Variants in FHOD3 observed in about 807,000 individuals in gnomAD.
The protein encoded by FHOD3 is FH1/FH2 domain-containing protein 3.
Under a neutral mutation model 173.0 loss-of-function variants are expected in FHOD3, and 90 were observed. That is an observed-to-expected ratio of 0.52 (90% CI 0.44 to 0.62). The LOEUF (loss-of-function observed/expected upper bound fraction) is 0.62, where lower values mean the gene tolerates loss of function less well. Ranked by LOEUF, FHOD3 falls within the 20% of genes least tolerant of loss-of-function variation. FHOD3 has a pLI of 0.00. For missense variants in FHOD3, 1,945 were observed against 2,034.7 expected (o/e 0.96, Z 0.85); for synonymous variants, 828 against 823.0 (o/e 1.01, Z -0.10).
rs541517367 is a variant in FHOD3 at position 36,352,258 on chromosome 18, A to G, written c.166-3281A>G. Among the ~76,000 whole-genome samples the G allele has an allele frequency of 4.6e-5, 7 of 152,290 alleles. No homozygotes were observed. The East Asian group carries it at 1.3e-3, about 29-fold the overall frequency. On this transcript the variant is annotated intron_variant, in intron 1 of 28. Transcript: ENST00000590592. ...GACCCCCCTGCTACAAAAAAATAGT[A>G]ATAATAGTAAATAAAAATAAAAGAA...
intron 9 of FHOD3, among the ~76,000 whole-genome samples, chr18:36,622,540 G>A (rs77760553): frequency 0.024 from 3,630 of 152,184 alleles, 149 homozygotes; most frequent in African/African-American, 0.084. Flanking sequence ...TACAAATAGC[G>A]TTCTACATTT....
intron 3 of FHOD3, among the ~76,000 whole-genome samples, chr18:36,464,844 C>G (rs1021558940): frequency 6.6e-6 from 1 of 152,052 alleles, no homozygotes; most frequent in Non-Finnish European, 1.5e-5. Context: ...CTGTCTCTCC[C>G]CCCTCTTTCT....
At chr18:36,591,115 TA>T (rs1351911160) in intron 6 of FHOD3, among the ~76,000 whole-genome samples, 1 of 152,182 alleles carries the variant, frequency 6.6e-6, no homozygotes, top group African/African-American at 2.4e-5. Flanking sequence ...GCCCTAAACG[TA>T]CAAAGCACAA....
chr18:36,569,345 A>G (rs1356960044), intron 5 of FHOD3, among the ~76,000 whole-genome samples: 1 of 152,194 alleles, frequency 6.6e-6, no homozygotes, highest in East Asian at 1.9e-4. Context: ...TAGAAGAAGT[A>G]GGCTTCAGAG....
intron 10 of FHOD3, among the ~76,000 whole-genome samples, chr18:36,640,048 G>T (rs1409433721): frequency 6.6e-6 from 1 of 152,084 alleles, no homozygotes; most frequent in African/African-American, 2.4e-5. Context: ...ATATTTATTT[G>T]ATTCTAAAAC....
chr18:36,480,080 C>A (rs868793004), intron 3 of FHOD3, among the ~76,000 whole-genome samples: 5 of 152,198 alleles, frequency 3.3e-5, no homozygotes, highest in African/African-American at 9.7e-5. Context: ...TGGGTTTAAG[C>A]AAATGTACTT....
At chr18:36,417,069 T>A (rs961262912) in intron 3 of FHOD3, among the ~76,000 whole-genome samples, 9 of 152,220 alleles carry the variant, frequency 5.9e-5, no homozygotes, top group African/African-American at 1.7e-4. Context: ...TGTAATTTTT[T>A]AAATTTAACT....
chr18:36,761,624 G>A (rs1446422160), intron 27 of FHOD3, among the ~76,000 whole-genome samples: 5 of 152,044 alleles, frequency 3.3e-5, no homozygotes, highest in East Asian at 1.9e-4. Context: ...CAGGATGCCC[G>A]CTCCTCTGCC....
At chr18:36,715,341 C>T (rs1167260513) in intron 18 of FHOD3, among the ~76,000 whole-genome samples, 7 of 152,202 alleles carry the variant, frequency 4.6e-5, no homozygotes, top group Admixed American at 4.6e-4. Context: ...CCTGCCACCA[C>T]GTAAAGGAGG....
At chr18:36,421,382 T>G (rs1452324614) in intron 3 of FHOD3, among the ~76,000 whole-genome samples, 1 of 152,192 alleles carries the variant, frequency 6.6e-6, no homozygotes, top group Non-Finnish European at 1.5e-5. Context: ...AAGACTGTCC[T>G]TATTCTTATA....
intron 5 of FHOD3, among the ~76,000 whole-genome samples, chr18:36,551,182 T>C (rs1405540307): frequency 6.6e-6 from 1 of 152,192 alleles, no homozygotes; most frequent in Non-Finnish European, 1.5e-5. Context: ...TGTTTGTTGA[T>C]ATAGTGAACC....
At chr18:36,419,029 TAAAAAACGTGTATGG>T (rs2049837761) in intron 3 of FHOD3, among the ~76,000 whole-genome samples, 1 of 151,448 alleles carries the variant, frequency 6.6e-6, no homozygotes, top group Non-Finnish European at 1.5e-5. Context: ...AGGGGAAGAG[TAAAAAACGTGTATGG>T]TTCTAAAAAG....
At chr18:36,520,651 C>T (rs2056228703) in intron 5 of FHOD3, among the ~76,000 whole-genome samples, 1 of 152,194 alleles carries the variant, frequency 6.6e-6, no homozygotes, top group South Asian at 2.1e-4. Context: ...AATCATGCCT[C>T]CGAGTGCTTC....
intron 5 of FHOD3, among the ~76,000 whole-genome samples, chr18:36,562,828 C>T (rs79192336): frequency 0.012 from 1,848 of 152,326 alleles, 43 homozygotes; most frequent in African/African-American, 0.041. Flanking sequence ...CTGACCAACA[C>T]CAATGCCAGG....
chr18:36,366,674 C>T (rs891753830), intron 2 of FHOD3, among the ~76,000 whole-genome samples: 16 of 152,276 alleles, frequency 1.1e-4, no homozygotes, highest in African/African-American at 3.8e-4. Context: ...AAACTTTGAG[C>T]TTCTGGGCAA....
At chr18:36,305,911 T>C (rs992959793) in intron 1 of FHOD3, among the ~76,000 whole-genome samples, 2 of 152,242 alleles carry the variant, frequency 1.3e-5, no homozygotes, top group African/African-American at 4.8e-5. Flanking sequence ...TGAGGTCACC[T>C]TCTTCAACCC....
chr18:36,309,290 AG>A (rs990832400), intron 1 of FHOD3, among the ~76,000 whole-genome samples: 3 of 150,972 alleles, frequency 2.0e-5, no homozygotes, highest in East Asian at 2.0e-4. Flanking sequence ...AGCTTGTGTG[AG>A]GGGGAGGGTC....
At chr18:36,562,222 G>A (rs2058112265) in intron 5 of FHOD3, among the ~76,000 whole-genome samples, 1 of 152,032 alleles carries the variant, frequency 6.6e-6, no homozygotes, top group Non-Finnish European at 1.5e-5. Flanking sequence ...TCACCATGTT[G>A]GCCAGTCTGG....
chr18:36,673,885 A>G (rs1299748703), intron 14 of FHOD3, among the ~76,000 whole-genome samples: 2 of 152,158 alleles, frequency 1.3e-5, no homozygotes, highest in Admixed American at 1.3e-4. Flanking sequence ...AGGGATATGT[A>G]TATCCCTCTG....
Sources: gnomAD v4.1 joint callset for allele counts (sites outside exome capture counted in the v4.1 genomes callset) on GRCh38, gnomAD v4.1.1 for gene constraint, MANE v1.5 for transcripts, NCBI Gene and HGNC (gene_info 2026-07-23, HGNC 2026-07-21) for gene names.